The following PTPN13 variants were observed in gnomAD, a reference collection of about 807,000 sequenced individuals.
PTPN13 encodes the protein tyrosine-protein phosphatase non-receptor type 13.
Under a neutral mutation model 284.0 loss-of-function variants are expected in PTPN13, and 191 were observed. The observed-to-expected ratio is 0.67, with a 90% confidence interval of 0.60 to 0.76. PTPN13 has a LOEUF of 0.76. PTPN13 is among the 30% of genes least tolerant of loss of function. The pLI, the probability that PTPN13 is intolerant of heterozygous loss-of-function variation, is 0.00. For missense variants in PTPN13, 2,797 were observed against 2,939.9 expected, an observed-to-expected ratio of 0.95 and a Z score of 1.12; for synonymous variants, 986 against 1,022.3, an observed-to-expected ratio of 0.96 and a Z score of 0.68.
chr4:86,665,085 A>G (rs1044786548), intron 2 of PTPN13, among the ~76,000 whole-genome samples: 2 of 152,200 alleles, frequency 1.3e-5, no homozygotes, highest in African/African-American at 4.8e-5. Flanking sequence ...TTGTTTCATT[A>G]GTGTTTTGTT....
At chr4:86,661,668 C>G (rs1356564299) in intron 2 of PTPN13, among the ~76,000 whole-genome samples, 1 of 152,098 alleles carries the variant, frequency 6.6e-6, no homozygotes, top group African/African-American at 2.4e-5. Flanking sequence ...TTACATGGAA[C>G]CATGTCATCA....
At chr4:86,728,643 CTTTTTTTTTTTTTTTT>C (rs57773658) in intron 10 of PTPN13, among the ~76,000 whole-genome samples, 31 of 24,500 alleles carry the variant, frequency 1.3e-3, no homozygotes, top group Non-Finnish European at 1.4e-3. Context: ...CAACCCCTGC[CTTTTTTTTTTTTTTTT>C]TTTTTTTTTT....
intron 47 of PTPN13, among the ~76,000 whole-genome samples, chr4:86,811,673 G>C (rs1370806182): frequency 6.6e-6 from 1 of 152,170 alleles, no homozygotes; most frequent in Non-Finnish European, 1.5e-5. Context: ...CACAGGGAGT[G>C]CCGTATTTAG....
At chr4:86,661,965 A>C (rs189436329) in intron 2 of PTPN13, among the ~76,000 whole-genome samples, 70 of 152,356 alleles carry the variant, frequency 4.6e-4, no homozygotes, top group Admixed American at 5.2e-4. Flanking sequence ...GATCTCTTTT[A>C]ACTTGAAACT....
intron 9 of PTPN13, among the ~76,000 whole-genome samples, chr4:86,720,069 T>C (rs1029147511): frequency 5.3e-5 from 8 of 152,180 alleles, no homozygotes; most frequent in Admixed American, 1.3e-4. Context: ...TTGGAACCTA[T>C]GAGTAGTTAC....
At chr4:86,761,138 A>AC (rs1292330881) in intron 23 of PTPN13, among the ~76,000 whole-genome samples, 1 of 112,568 alleles carries the variant, frequency 8.9e-6, no homozygotes, top group African/African-American at 3.4e-5. Flanking sequence ...GTGTGTGTGT[A>AC]AATATATATA....
rs1050795439 is a variant in PTPN13 at position 86,642,744 on chromosome 4, C to T, written c.115+7373C>T. Among the ~76,000 whole-genome samples the T allele has an allele frequency of 4.6e-5, 7 of 152,020 alleles. No homozygotes were observed. The East Asian group carries it at 5.8e-4, about 13-fold the overall frequency. The stretch of plus-strand genomic sequence containing the variant: ...TGCTGGAATTACAGGCGTGAGCCAC[C>T]GCGCCTGGCCCACTTCACCTTTTTA... On this transcript the variant is annotated intron_variant, in intron 2 of 47. Coordinates refer to ENST00000411767, the MANE Select transcript of PTPN13 (RefSeq NM_080683.3).
At chr4:86,631,034 A>G (rs1722411054) in intron 1 of PTPN13, among the ~76,000 whole-genome samples, 2 of 152,122 alleles carry the variant, frequency 1.3e-5, no homozygotes, top group Non-Finnish European at 2.9e-5. Flanking sequence ...TTTTTTTCCA[A>G]AAACTTTCTA....
chr4:86,762,006 C>T (rs10028791), intron 23 of PTPN13, among the ~76,000 whole-genome samples: 9,033 of 152,180 alleles, frequency 0.059, 885 homozygotes, highest in African/African-American at 0.2. Context: ...ACAGTCTTGC[C>T]CTGTCACCCA....
rs550256543 is a variant in PTPN13 at position 86,619,123 on chromosome 4, C to G, written c.-5-16129C>G. Among the ~76,000 whole-genome samples the G allele has an allele frequency of 4.6e-5, 7 of 152,218 alleles. No homozygotes were observed. The South Asian group carries it at 1.5e-3, about 32-fold the overall frequency. On this transcript the variant is annotated intron_variant, in intron 1 of 47. Coordinates refer to ENST00000411767, the MANE Select transcript of PTPN13 (RefSeq NM_080683.3). ...AATCAGTGGCAGAGAGCTACAGCTC[C>G]CAGTCAGCCACGCGATCACAAGGGT...
chr4:86,664,194 C>G (rs1726815956), intron 2 of PTPN13, among the ~76,000 whole-genome samples: 1 of 152,172 alleles, frequency 6.6e-6, no homozygotes, highest in Admixed American at 6.5e-5. Flanking sequence ...TTACCTTAAA[C>G]TCCCAAAGTC....
intron 47 of PTPN13, 70 bp from the exon 48 acceptor site, chr4:86,814,386 G>T: frequency 9.9e-7 from 1 of 1,011,112 alleles, no homozygotes; most frequent in Admixed American, 2.7e-5. Context: ...TCCAATAGTG[G>T]TATAGCTATA....
At chr4:86,707,693 C>T (rs1452807757) in intron 7 of PTPN13, among the ~76,000 whole-genome samples, 1 of 151,488 alleles carries the variant, frequency 6.6e-6, no homozygotes, top group African/African-American at 2.4e-5. Flanking sequence ...TCTTTACTTC[C>T]CTTTGAATAG....
intron 32 of PTPN13, among the ~76,000 whole-genome samples, 197 bp from the exon 33 acceptor site, chr4:86,774,176 G>C (rs1197629665): frequency 6.6e-6 from 1 of 152,098 alleles, no homozygotes; most frequent in African/African-American, 2.4e-5. Flanking sequence ...TTTTACGTGG[G>C]ATGCAGTGGG....
At chr4:86,663,885 CAAAA>C (rs1726783167) in intron 2 of PTPN13, among the ~76,000 whole-genome samples, 1 of 152,062 alleles carries the variant, frequency 6.6e-6, no homozygotes, top group Non-Finnish European at 1.5e-5. Context: ...GTAAAACAAA[CAAAA>C]AGCATCAGGA....
chr4:86,814,673 T>A lies in PTPN13; in HGVS notation c.*122T>A. On this transcript the variant is annotated 3_prime_UTR_variant, in exon 48 of 48. Transcript: ENST00000411767. Reference sequence around the variant, plus strand: ...CATACAACATGCATGTTCTCCTCTATCTTAGAGGGGTATTCTTCTTGAAAA... The same window carrying A: ...CATACAACATGCATGTTCTCCTCTAACTTAGAGGGGTATTCTTCTTGAAAA... 6.2e-6 allele frequency: 4 copies of A among 645,680 alleles called. No homozygotes were observed. The highest frequency in any genetic ancestry group is 1.1e-5 in the Non-Finnish European group (4 of 373,984). 40.0% of individuals were successfully genotyped at this position (645,680 alleles called of 1,614,324 possible).
intron 2 of PTPN13, among the ~76,000 whole-genome samples, chr4:86,647,691 A>G (rs1724599177): frequency 6.6e-6 from 1 of 152,072 alleles, no homozygotes; most frequent in South Asian, 2.1e-4. Flanking sequence ...GTTTTCAAAG[A>G]CCTTATAATG....
chr4:86,644,828 T>A (rs1265555906), intron 2 of PTPN13, among the ~76,000 whole-genome samples: 2 of 152,118 alleles, frequency 1.3e-5, no homozygotes, highest in Admixed American at 6.6e-5. Flanking sequence ...ACCATAGTAA[T>A]GACTAAAAAA....
chr4:86,740,041 G>T (rs1474733710), intron 15 of PTPN13, among the ~76,000 whole-genome samples: 1 of 152,202 alleles, frequency 6.6e-6, no homozygotes, highest in Non-Finnish European at 1.5e-5. Context: ...GTAGGGTATA[G>T]ACCCCTCCTG....
Sources: allele counts gnomAD v4.1 joint callset (sites outside exome capture counted in the v4.1 genomes callset), GRCh38; gene constraint gnomAD v4.1.1; transcripts MANE v1.5; gene names NCBI Gene and HGNC (gene_info 2026-07-23, HGNC 2026-07-21).